FBLN5: variants seen among roughly 807,000 people sequenced by gnomAD.
FBLN5 encodes fibulin 5.
Under a neutral mutation model 61.6 loss-of-function variants are expected in FBLN5, and 24 were observed. The ratio of observed to expected loss-of-function variants is 0.39; its 90% CI spans 0.28 to 0.55. FBLN5 has a LOEUF of 0.55. Ranked by LOEUF, FBLN5 falls within the 20% of genes least tolerant of loss-of-function variation. FBLN5 has a pLI of 0.65. For synonymous variants in FBLN5, 213 were observed against 219.8 expected, an observed-to-expected ratio of 0.97 and a Z score of 0.27; for missense variants, 470 against 594.1, an observed-to-expected ratio of 0.79 and a Z score of 2.17.
intron 1 of FBLN5, among the ~76,000 whole-genome samples, chr14:91,946,002 G>A (rs931729473): frequency 1.3e-5 from 2 of 152,128 alleles, no homozygotes; most frequent in Admixed American, 6.5e-5. Flanking sequence ...ACCCTGTCTC[G>A]TTTATGTTGG....
intron 2 of FBLN5, chr14:91,942,187 A>C: frequency 2.2e-6 from 1 of 456,010 alleles, no homozygotes; most frequent in Non-Finnish European, 4.4e-6. Context: ...GTTGCTTAAA[A>C]TAAAGTCCAG....
At chr14:91,877,751 T>C in intron 9 of FBLN5, 69 bp from the exon 10 acceptor site, 1 of 1,265,128 alleles carries the variant, frequency 7.9e-7, no homozygotes. Context: ...CTACTTCCTC[T>C]CTTAAAACAC....
chr14:91,937,317 G>C, intron 3 of FBLN5, 116 bp from the exon 4 acceptor site: 2 of 1,332,540 alleles, frequency 1.5e-6, no homozygotes, highest in African/African-American at 1.4e-5. Context: ...CACCTAGGGT[G>C]GTCCCAACTC....
chr14:91,904,393 A>G (rs190654666), intron 4 of FBLN5, among the ~76,000 whole-genome samples: 61 of 152,240 alleles, frequency 4.0e-4, no homozygotes, highest in African/African-American at 1.3e-3. Flanking sequence ...TGACAATTCC[A>G]AATCCCACAG....
At chr14:91,930,771 A>G (rs776684209) in intron 4 of FBLN5, among the ~76,000 whole-genome samples, 3 of 152,080 alleles carry the variant, frequency 2.0e-5, no homozygotes, top group Non-Finnish European at 2.9e-5. Flanking sequence ...TTTCTGTCTC[A>G]CAATTTAAAT....
intron 4 of FBLN5, among the ~76,000 whole-genome samples, chr14:91,923,132 A>G (rs2055770389): frequency 1.3e-5 from 2 of 152,214 alleles, no homozygotes; most frequent in African/African-American, 4.8e-5. Context: ...GAAGCCTCAC[A>G]GATAATGGCC....
At chr14:91,930,835 G>GCTTA (rs1187722328) in intron 4 of FBLN5, among the ~76,000 whole-genome samples, 1 of 152,118 alleles carries the variant, frequency 6.6e-6, no homozygotes, top group Non-Finnish European at 1.5e-5. Flanking sequence ...GCCACATCAG[G>GCTTA]CTTAGCTGGG....
intron 4 of FBLN5, among the ~76,000 whole-genome samples, chr14:91,912,986 C>T (rs1176409945): frequency 6.6e-6 from 1 of 152,072 alleles, no homozygotes; most frequent in East Asian, 1.9e-4. Flanking sequence ...ATGTATTAAC[C>T]AATGTGTATT....
chr14:91,903,586 T>TCCCACCCTCTGAG (rs1890550903), intron 4 of FBLN5, among the ~76,000 whole-genome samples: 1 of 152,182 alleles, frequency 6.6e-6, no homozygotes, highest in South Asian at 2.1e-4. Flanking sequence ...CTGAGCCTAT[T>TCCCACCCTCTGAG]CCTCACCCAT....
intron 4 of FBLN5, among the ~76,000 whole-genome samples, chr14:91,904,219 G>A (rs1339319427): frequency 1.3e-5 from 2 of 152,094 alleles, no homozygotes; most frequent in African/African-American, 2.4e-5. Context: ...GTATTAAAGC[G>A]AATTATACTG....
intron 1 of FBLN5, 23 bp from the exon 2 acceptor site, chr14:91,942,984 A>G (rs1016427895): frequency 7.3e-6 from 11 of 1,508,978 alleles, no homozygotes; most frequent in South Asian, 1.2e-5. Flanking sequence ...AAAGTCAAAT[A>G]TAAATGCCCA....
At chr14:91,879,398 G>A (rs1889314127) in intron 9 of FBLN5, among the ~76,000 whole-genome samples, 1 of 152,232 alleles carries the variant, frequency 6.6e-6, no homozygotes, top group African/African-American at 2.4e-5. Context: ...AGACTGGCAG[G>A]AGCACAGGAC....
intron 4 of FBLN5, 44 bp from the exon 5 acceptor site, chr14:91,895,116 T>C (rs369890757): frequency 5.3e-5 from 85 of 1,612,028 alleles, no homozygotes; most frequent in Non-Finnish European, 6.9e-5. Flanking sequence ...CACATCCATC[T>C]AGAGCCCTGG....
chr14:91,872,186 G>T (rs1388325619), intron 10 of FBLN5, among the ~76,000 whole-genome samples: 1 of 152,166 alleles, frequency 6.6e-6, no homozygotes, highest in Non-Finnish European at 1.5e-5. Flanking sequence ...AATTGCTTAG[G>T]GTTACCCAGC....
At chr14:91,910,771 T>C (rs1890886886) in intron 4 of FBLN5, among the ~76,000 whole-genome samples, 1 of 151,584 alleles carries the variant, frequency 6.6e-6, no homozygotes, top group Non-Finnish European at 1.5e-5. Flanking sequence ...GGAATCAGGG[T>C]AGAGTGCTGG....
chr14:91,930,243 A>G (rs2055900380), intron 4 of FBLN5, among the ~76,000 whole-genome samples: 1 of 152,150 alleles, frequency 6.6e-6, no homozygotes, highest in Admixed American at 6.5e-5. Flanking sequence ...TAATTCTCCA[A>G]ATTTCCTGTG....
chr14:91,893,730 G>A (rs1376164439), intron 5 of FBLN5, among the ~76,000 whole-genome samples: 7 of 152,226 alleles, frequency 4.6e-5, no homozygotes, highest in Non-Finnish European at 1.0e-4. Flanking sequence ...TAACCTTCCA[G>A]TAAAATAAAC....
intron 4 of FBLN5, among the ~76,000 whole-genome samples, chr14:91,912,422 A>G (rs1205511108): frequency 6.6e-6 from 1 of 152,182 alleles, no homozygotes; most frequent in African/African-American, 2.4e-5. Flanking sequence ...AGGTGGGCAG[A>G]TCACTTGAGG....
chr14:91,919,021 G>GT (rs1241117075), intron 4 of FBLN5, among the ~76,000 whole-genome samples: 1 of 152,062 alleles, frequency 6.6e-6, no homozygotes, highest in Non-Finnish European at 1.5e-5. Context: ...ACAGATTAAG[G>GT]TCATTAAGGA....
Sources: allele counts gnomAD v4.1 joint callset (sites outside exome capture counted in the v4.1 genomes callset), GRCh38; gene constraint gnomAD v4.1.1; transcripts MANE v1.5; gene names NCBI Gene and HGNC (gene_info 2026-07-23, HGNC 2026-07-21).